The following MARCHF4 variants were observed in gnomAD, a reference collection of about 807,000 sequenced individuals.
The protein encoded by MARCHF4 is E3 ubiquitin-protein ligase MARCHF4.
MARCHF4 carries 14 observed loss-of-function variants against 43.9 expected under a neutral mutation model. The ratio of observed to expected loss-of-function variants is 0.32; its 90% CI spans 0.21 to 0.50. The LOEUF is 0.50. MARCHF4 is among the 20% of genes least tolerant of loss of function. MARCHF4 has a pLI of 0.98. For synonymous variants in MARCHF4, 226 were observed against 213.3 expected (o/e 1.06, Z -0.52); for missense variants, 468 against 536.7 (o/e 0.87, Z 1.27).
intron 1 of MARCHF4, among the ~76,000 whole-genome samples, chr2:216,343,092 A>G (rs930303819): frequency 6.6e-6 from 1 of 152,198 alleles, no homozygotes; most frequent in Non-Finnish European, 1.5e-5. Flanking sequence ...GCAGGCTGTG[A>G]CCAAGTTGAG....
Position 216,370,151 on chromosome 2 carries a change from A to C in MARCHF4, c.110T>G (p.Leu37Arg), listed in dbSNP as rs374271651. The C allele has an allele frequency of 1.2e-6, 2 of 1,609,980 alleles. No individual in the cohort carries two copies. The highest frequency in any genetic ancestry group is 1.7e-6 in the Non-Finnish European group (2 of 1,178,440). ...PAPQMLRHQG[L>R]LKCRCRMLFN... The stretch of plus-strand genomic sequence containing the variant: ...GAGCATGCGGCAGCGGCACTTGAGG[A>C]GACCCTGGTGGCGCAACATCTGGGG... The change falls in exon 1 of 4, where the codon CTC becomes CGC. Residue 37 changes from leucine (L) to arginine (R), a missense_variant. Physicochemically the swap from Leu to Arg is moderately radical, Grantham distance 102. Coordinates refer to ENST00000273067, the MANE Select transcript of MARCHF4 (RefSeq NM_020814.3).
intron 1 of MARCHF4, among the ~76,000 whole-genome samples, chr2:216,297,966 T>C (rs79846470): frequency 0.05 from 7,597 of 152,284 alleles, 617 homozygotes; most frequent in African/African-American, 0.17. Flanking sequence ...TTTAGGCCTA[T>C]ATTTCACTTA....
At chr2:216,356,273 C>A (rs1692501767) in intron 1 of MARCHF4, among the ~76,000 whole-genome samples, 1 of 152,242 alleles carries the variant, frequency 6.6e-6, no homozygotes, top group South Asian at 2.1e-4. Context: ...CCCCTCAACA[C>A]TGCACTGCTC....
intron 3 of MARCHF4, among the ~76,000 whole-genome samples, chr2:216,276,995 A>G (rs1007709883): frequency 4.6e-5 from 7 of 151,726 alleles, no homozygotes; most frequent in Non-Finnish European, 1.0e-4. Context: ...AAACACTGAA[A>G]CCTTTTAAAC....
chr2:216,301,030 TA>T (rs1157699579), intron 1 of MARCHF4, among the ~76,000 whole-genome samples: 2 of 152,218 alleles, frequency 1.3e-5, no homozygotes, highest in Non-Finnish European at 2.9e-5. Flanking sequence ...GCTCCTTAGC[TA>T]ATCAGGCTCC....
intron 3 of MARCHF4, among the ~76,000 whole-genome samples, chr2:216,274,191 T>C (rs1690986394): frequency 6.6e-6 from 1 of 152,138 alleles, no homozygotes; most frequent in Admixed American, 6.5e-5. Context: ...TCTCATCTTC[T>C]TGCTCCTGAG....
chr2:216,317,901 TCTC>T (rs1347451987), intron 1 of MARCHF4, among the ~76,000 whole-genome samples: 1 of 152,156 alleles, frequency 6.6e-6, no homozygotes, highest in African/African-American at 2.4e-5. Context: ...AATAGAAAGA[TCTC>T]AGCCATTGTG....
intron 1 of MARCHF4, among the ~76,000 whole-genome samples, chr2:216,293,802 T>C (rs1691350185): frequency 1.5e-5 from 2 of 135,850 alleles, no homozygotes; most frequent in African/African-American, 4.9e-5. Flanking sequence ...TGAATTTAAA[T>C]AACATCCAAT....
chr2:216,344,352 C>T (rs59847003), intron 1 of MARCHF4, among the ~76,000 whole-genome samples: 8,202 of 152,146 alleles, frequency 0.054, 325 homozygotes, highest in South Asian at 0.2. Context: ...ATGGTGGGGG[C>T]GTGGGTGGAG....
Position 216,336,742 on chromosome 2 carries a change from TAAAAAAA to T in MARCHF4, c.516+32996_516+33002del, listed in dbSNP as rs58031229. Among the ~76,000 whole-genome samples, 22 of 55,670 alleles carry T rather than the reference TAAAAAAA, an allele frequency of 4.0e-4. 1 individual carries two copies. The highest frequency in any genetic ancestry group is 1.4e-3 in the Admixed American group (5 of 3,568). The allele number at this position is 55,670 out of a possible 152,430, so 36.5% of individuals were successfully genotyped here. On this transcript the variant is annotated intron_variant, in intron 1 of 3. Coordinates refer to ENST00000273067, the MANE Select transcript of MARCHF4 (RefSeq NM_020814.3). The stretch of plus-strand genomic sequence containing the variant: ...GGCAAATGGGAAAGGCAAATAGATT[TAAAAAAA>T]AAAAAAAAAAAAAAAAAAGCTTTCT...
At chr2:216,342,027 C>T (rs1289724384) in intron 1 of MARCHF4, among the ~76,000 whole-genome samples, 1 of 152,258 alleles carries the variant, frequency 6.6e-6, no homozygotes, top group Non-Finnish European at 1.5e-5. Context: ...ATAATTGCCT[C>T]ATGGGAGGAA....
intron 1 of MARCHF4, among the ~76,000 whole-genome samples, chr2:216,322,835 A>G (rs982952273): frequency 2.6e-5 from 4 of 152,172 alleles, no homozygotes; most frequent in African/African-American, 9.7e-5. Flanking sequence ...AAAAAAAAGA[A>G]CCGGTCTCAA....
intron 1 of MARCHF4, among the ~76,000 whole-genome samples, chr2:216,367,757 C>T (rs973901566): frequency 1.3e-5 from 2 of 152,214 alleles, no homozygotes; most frequent in Non-Finnish European, 2.9e-5. Flanking sequence ...AGCTTCTAAC[C>T]TCTGACCAGA....
At chr2:216,317,843 C>A (rs1243767771) in intron 1 of MARCHF4, among the ~76,000 whole-genome samples, 2 of 152,178 alleles carry the variant, frequency 1.3e-5, no homozygotes, top group East Asian at 3.8e-4. Context: ...GACACATTGA[C>A]TATCAGAGAA....
At chr2:216,348,623 A>C (rs548737697) in intron 1 of MARCHF4, among the ~76,000 whole-genome samples, 2 of 152,280 alleles carry the variant, frequency 1.3e-5, no homozygotes, top group South Asian at 4.1e-4. Context: ...AATAACCATA[A>C]AAATGGGCAA....
At chr2:216,309,003 T>C (rs1173430425) in intron 1 of MARCHF4, among the ~76,000 whole-genome samples, 2 of 152,202 alleles carry the variant, frequency 1.3e-5, no homozygotes, top group Non-Finnish European at 2.9e-5. Context: ...ATGGTTATCA[T>C]GGTCAAAATG....
chr2:216,307,173 T>A (rs1451733998), intron 1 of MARCHF4, among the ~76,000 whole-genome samples: 5 of 152,102 alleles, frequency 3.3e-5, no homozygotes, highest in African/African-American at 1.2e-4. Context: ...ATGGGCCCTC[T>A]CAGGTGTGCC....
At chr2:216,351,969 G>T (rs1037336039) in intron 1 of MARCHF4, among the ~76,000 whole-genome samples, 2 of 152,210 alleles carry the variant, frequency 1.3e-5, no homozygotes, top group Non-Finnish European at 2.9e-5. Context: ...GCAGAATAAT[G>T]GGAAGGACTA....
chr2:216,357,317 A>C (rs1040222191), intron 1 of MARCHF4, among the ~76,000 whole-genome samples: 1 of 151,250 alleles, frequency 6.6e-6, no homozygotes, highest in African/African-American at 2.5e-5. Context: ...GTACACTTTT[A>C]TACACACACA....
Sources: allele counts gnomAD v4.1 joint callset (sites outside exome capture counted in the v4.1 genomes callset), GRCh38; gene constraint gnomAD v4.1.1; transcripts MANE v1.5; gene names NCBI Gene and HGNC (gene_info 2026-07-23, HGNC 2026-07-21).